USP22: variants seen among roughly 807,000 people sequenced by gnomAD.
USP22 encodes ubiquitin specific peptidase 22.
In USP22, 22 loss-of-function variants were observed where a neutral mutation model predicts 68.1. The observed-to-expected ratio is 0.32, with a 90% confidence interval of 0.23 to 0.46. The LOEUF (loss-of-function observed/expected upper bound fraction) is 0.46, where lower values mean the gene tolerates loss of function less well. Ranked by LOEUF, USP22 falls within the 20% of genes least tolerant of loss-of-function variation. The probability of loss-of-function intolerance (pLI) is 1.00; values close to 1 mark genes in which losing one functional copy is unlikely to be tolerated. For missense variants in USP22, 433 were observed against 695.8 expected (o/e 0.62, Z 4.25); for synonymous variants, 279 against 274.2 (o/e 1.02, Z -0.17).
intron 2 of USP22, among the ~76,000 whole-genome samples, chr17:21,025,652 A>G (rs371471391): frequency 6.6e-6 from 1 of 152,256 alleles, no homozygotes; most frequent in Non-Finnish European, 1.5e-5. Flanking sequence ...ACAATGGAAC[A>G]TGACTGAGCC....
rs1914014942 is a variant in USP22, at chr17:21,012,932, T to C, written c.842A>G (p.Asp281Gly). 25 of 1,613,696 alleles carry C rather than the reference T, an allele frequency of 1.5e-5. No homozygotes were observed. The highest frequency in any genetic ancestry group is 2.0e-5 in the Non-Finnish European group (24 of 1,179,848). The change falls in exon 7 of 13, where the codon GAT (aspartate) becomes GGT (glycine). Residue 281 changes from aspartate to glycine, a missense_variant. By Grantham distance (94) the Asp-to-Gly change is moderately conservative. Transcript: ENST00000261497. ...GTTGTTGGCCTTCTTCCCATTGTCATCACCTGGAGACAGACCACGGCTCTG... is the reference window on the plus strand; with the variant it reads ...GTTGTTGGCCTTCTTCCCATTGTCACCACCTGGAGACAGACCACGGCTCTG... ...LDVLHRHCKG[D>G]DNGKKANNPN...
At chr17:21,008,952 G>A (rs992425168) in intron 8 of USP22, among the ~76,000 whole-genome samples, 4 of 152,122 alleles carry the variant, frequency 2.6e-5, no homozygotes, top group East Asian at 3.9e-4. Context: ...TTAGCCGGGC[G>A]AGGTGGTGCA....
intron 11 of USP22, 106 bp downstream of exon 11, chr17:21,004,822 A>C: frequency 1.6e-6 from 2 of 1,255,822 alleles, no homozygotes; most frequent in Non-Finnish European, 2.2e-6. Flanking sequence ...AGCGGGAAGC[A>C]GGTCAGTGGC....
intron 2 of USP22, among the ~76,000 whole-genome samples, chr17:21,023,280 C>T (rs1040439908): frequency 1.3e-5 from 2 of 152,130 alleles, no homozygotes; most frequent in Admixed American, 1.3e-4. Flanking sequence ...GTACACCAAA[C>T]CACTGAATAA....
In USP22 at chr17:21,005,224, G is replaced by T; in HGVS notation, c.1323-234C>A. The T allele has an allele frequency of 9.3e-6, 5 of 538,812 alleles. No homozygotes were observed. In the South Asian group the frequency reaches 1.2e-4, roughly 13 times the overall value. The allele number at this position is 538,812 out of a possible 1,614,324, so 33.4% of individuals were successfully genotyped here. ...CTGAGGCCACCTGGCGTGGCCCCTG[G>T]TTCTTCCAAGGTGGGTCCTGAATAG... On this transcript the variant is annotated intron_variant, in intron 10 of 12. Transcript: ENST00000261497.
Position 21,002,573 on chromosome 17 carries a change from C to T in USP22, c.*458G>A, listed in dbSNP as rs1476521951. Reference sequence around the variant, plus strand: ...TCTCCGTATTTTAACACTAAAACACCAACAGAAAGGCATCTGCAAGGCCCT... The same window carrying T: ...TCTCCGTATTTTAACACTAAAACACTAACAGAAAGGCATCTGCAAGGCCCT... On this transcript the variant is annotated 3_prime_UTR_variant, in exon 13 of 13. Coordinates refer to ENST00000261497, the MANE Select transcript of USP22 (RefSeq NM_015276.2). 6.0e-6 allele frequency: 1 copy of T among 165,636 alleles called. No individual in the cohort carries two copies. Among genetic ancestry groups the T allele is most frequent in the Admixed American group, 5.9e-5 (1 of 17,036 alleles). The allele number at this position is 165,636 out of a possible 1,614,324, so 10.3% of individuals were successfully genotyped here.
At chr17:21,026,828 T>C (rs1972226554) in intron 2 of USP22, among the ~76,000 whole-genome samples, 1 of 148,556 alleles carries the variant, frequency 6.7e-6, no homozygotes, top group Admixed American at 6.8e-5. Context: ...TTGAGACAGA[T>C]TCTCGCTGTG....
rs1003206690 is a variant in USP22, at chr17:21,002,854, T to A, written c.*177A>T. The stretch of plus-strand genomic sequence containing the variant: ...GCAGCTCCAGGAGCCTCCCCGTCCG[T>A]GTGGTCCATCCCGACCCGATGGGTC... On this transcript the variant is annotated 3_prime_UTR_variant, in exon 13 of 13. Transcript: ENST00000261497. The A allele has an allele frequency of 5.4e-5, 38 of 705,220 alleles. No homozygotes were observed. The highest frequency in any genetic ancestry group is 8.6e-5 in the Non-Finnish European group (35 of 407,834). 43.7% of individuals were successfully genotyped at this position (705,220 alleles called of 1,614,324 possible).
chr17:21,004,341 A>C lies in USP22; in HGVS notation c.1396T>G (p.Phe466Val). ...GTCCCTTGATGGTTAACAACAGCAA[A>C]CAGGGAATACCTAGTGCAGGAGCAA... ...SLNNDNKYSL[F>V]AVVNHQGTLE... Residue 466 changes from phenylalanine (F) to valine (V), a missense_variant, in exon 12 of 13, where the codon TTT becomes GTT. Physicochemically the swap from Phe to Val is conservative, Grantham distance 50. Coordinates refer to ENST00000261497, the MANE Select transcript of USP22 (RefSeq NM_015276.2). 6.2e-7 allele frequency: 1 copy of C among 1,614,188 alleles called. No individual in the cohort carries two copies. Among genetic ancestry groups the C allele is most frequent in the Non-Finnish European group, 8.5e-7 (1 of 1,180,002 alleles).
At position 21,006,618 on chromosome 17, in the gene USP22, C is replaced by T. The variant is rs1913789718; in HGVS notation, c.1322+278G>A. On this transcript the variant is annotated intron_variant, in intron 10 of 12. Transcript: ENST00000261497. ...CTCCTGGGTTCAAGCGATTCTCCTG[C>T]CTCAGCCTCCCAAATAGCTGGGACT... 1.7e-5 allele frequency: 3 copies of T among 171,970 alleles called. No homozygotes were observed. In the South Asian group the frequency reaches 4.9e-4, roughly 28 times the overall value. 10.7% of individuals were successfully genotyped at this position (171,970 alleles called of 1,614,324 possible).
chr17:21,015,040 T>C (rs1914088400), intron 6 of USP22, among the ~76,000 whole-genome samples: 1 of 152,204 alleles, frequency 6.6e-6, no homozygotes, highest in Non-Finnish European at 1.5e-5. Context: ...TCTCTCTGCC[T>C]GTATGGATAG....
chr17:21,030,986 G>A (rs531777322), intron 1 of USP22, among the ~76,000 whole-genome samples: 1 of 152,330 alleles, frequency 6.6e-6, no homozygotes, highest in South Asian at 2.1e-4. Context: ...GATGTCTACA[G>A]TCAGCCCTCA....
chr17:21,011,047 C>T lies in USP22; in HGVS notation c.1103+104G>A, dbSNP rs1913951114. Reference sequence around the variant, plus strand: ...TCCAGGCTCATGCTGCACCTTTGCCCAGGCTCTGTCCTGGGCATGTGAAAG... The same window carrying T: ...TCCAGGCTCATGCTGCACCTTTGCCTAGGCTCTGTCCTGGGCATGTGAAAG... On this transcript the variant is annotated intron_variant, in intron 8 of 12. Transcript: ENST00000261497. 9 of 1,439,028 alleles carry T rather than the reference C, an allele frequency of 6.3e-6. No homozygotes were observed. The Admixed American group carries it at 1.5e-4, about 25-fold the overall frequency. 89.1% of individuals were successfully genotyped at this position (1,439,028 alleles called of 1,614,324 possible). A position where few individuals can be genotyped will look rare whatever the true frequency, so the allele number is the denominator to read the frequency against.
rs1914115503 is a variant in USP22, at chr17:21,015,828, G to A, written c.762C>T (p.His254=). Residue 254 remains histidine (H), a synonymous_variant, in exon 6 of 13, where the codon CAC becomes CAT. Coordinates refer to ENST00000261497, the MANE Select transcript of USP22 (RefSeq NM_015276.2). ...LLHLVWTHAR[H]LAGYEQQDAH... ...CGTCCTGCTGCTCGTAGCCTGCTAG[G>A]TGCCTCGCGTGGGTCCACACCAGGT... The A allele has an allele frequency of 2.5e-6, 4 of 1,614,104 alleles. No individual in the cohort carries two copies. The highest frequency in any genetic ancestry group is 2.5e-6 in the Non-Finnish European group (3 of 1,180,028).
chr17:21,038,053 A>C (rs927617663), intron 1 of USP22, among the ~76,000 whole-genome samples: 2 of 152,182 alleles, frequency 1.3e-5, no homozygotes, highest in African/African-American at 4.8e-5. Context: ...TTTTGTTGTG[A>C]TGATTTGAAA....
At chr17:21,036,285 G>T (rs1046136302) in intron 1 of USP22, among the ~76,000 whole-genome samples, 1 of 152,102 alleles carries the variant, frequency 6.6e-6, no homozygotes, top group African/African-American at 2.4e-5. Context: ...GGATGCCTCT[G>T]TCAAAATCCA....
intron 1 of USP22, among the ~76,000 whole-genome samples, chr17:21,035,213 C>T (rs1972338508): frequency 1.3e-5 from 2 of 152,132 alleles, no homozygotes; most frequent in Non-Finnish European, 1.5e-5. Context: ...TTTAATCTAC[C>T]ATTCTCACTT....
rs374441257 is a variant in USP22, at chr17:21,004,917, G to C, written c.1385+11C>G. Reference sequence around the variant, plus strand: ...AGGCCCTGGACACCCACACCGCTAAGCACCACTTACTTGTTGTCATTGTTG... The same window carrying C: ...AGGCCCTGGACACCCACACCGCTAACCACCACTTACTTGTTGTCATTGTTG... On this transcript the variant is annotated intron_variant, in intron 11 of 12. Transcript: ENST00000261497. 5.5e-5 allele frequency: 89 copies of C among 1,614,112 alleles called. No individual in the cohort carries two copies. The African/African-American group carries it at 1.1e-3, about 20-fold the overall frequency.
At chr17:21,014,166 C>T (rs186406739) in intron 6 of USP22, among the ~76,000 whole-genome samples, 1 of 152,374 alleles carries the variant, frequency 6.6e-6, no homozygotes, top group African/African-American at 2.4e-5. Flanking sequence ...GTGGCCAGGC[C>T]ACCTCGCTGA....
Sources: allele counts gnomAD v4.1 joint callset (sites outside exome capture counted in the v4.1 genomes callset), GRCh38; gene constraint gnomAD v4.1.1; transcripts MANE v1.5; gene names NCBI Gene and HGNC (gene_info 2026-07-23, HGNC 2026-07-21).